The following SAMD14 variants were observed in gnomAD, a reference collection of about 807,000 sequenced individuals.
SAMD14 encodes sterile alpha motif domain containing 14.
Under a neutral mutation model 46.2 loss-of-function variants are expected in SAMD14, and 27 were observed. That is an observed-to-expected ratio of 0.58 (90% CI 0.43 to 0.81). The LOEUF (loss-of-function observed/expected upper bound fraction) is 0.81, where lower values mean the gene tolerates loss of function less well. SAMD14 is among the 30% of genes least tolerant of loss of function. The probability of loss-of-function intolerance (pLI) is 0.00; values close to 1 mark genes in which losing one functional copy is unlikely to be tolerated. For missense variants in SAMD14, 559 were observed against 582.2 expected (o/e 0.96, Z 0.41); for synonymous variants, 241 against 254.3 (o/e 0.95, Z 0.50).
chr17:50,130,076 G>A lies in SAMD14; in HGVS notation c.-572C>T, dbSNP rs1332426019. 6.6e-6 allele frequency among the ~76,000 whole-genome samples: 1 copy of A among 151,840 alleles called. No individual in the cohort carries two copies. ...AGAGCGGGAGGGAGCGAGGGGGCGG[G>A]GGCGGGGGAGGGCGGCGGGGAGGAG... On this transcript the variant is annotated 5_prime_UTR_variant, in exon 1 of 10. Coordinates refer to ENST00000330175, the MANE Select transcript of SAMD14 (RefSeq NM_001257359.2). This position sits in a 1 kb window ranked among gnomAD's most constrained non-coding sequence, Gnocchi z 4.1.
In SAMD14 at chr17:50,117,671, G is replaced by T. The variant is rs764080178; in HGVS notation, c.235C>A (p.Leu79Met). The change falls in exon 4 of 10, where the codon CTG (leucine) becomes ATG (methionine). Residue 79 changes from leucine to methionine, a missense_variant. Transcript: ENST00000330175. ...GKVTDGCGSP[L>M]HRLRSPLHSG... ...TGCAAAGGCGAGCGCAGCCGGTGCA[G>T]GGGGCTCCCGCAGCCATCGGTCACC... The T allele has an allele frequency of 1.7e-5, 26 of 1,496,824 alleles. No homozygotes were observed. In the Admixed American group the frequency reaches 3.8e-4, roughly 22 times the overall value. 92.7% of individuals were successfully genotyped at this position (1,496,824 alleles called of 1,614,324 possible). A position where few individuals can be genotyped will look rare whatever the true frequency, so the allele number is the denominator to read the frequency against.
intron 9 of SAMD14, 86 bp from the exon 10 acceptor site, chr17:50,113,134 G>T: frequency 2.0e-6 from 3 of 1,487,646 alleles, no homozygotes; most frequent in Non-Finnish European, 2.7e-6. Context: ...TGCCCCAGGT[G>T]TACTCTGTGG....
intron 1 of SAMD14, 191 bp from the exon 2 acceptor site, chr17:50,125,162 A>G: frequency 1.7e-6 from 1 of 579,348 alleles, no homozygotes; most frequent in Non-Finnish European, 3.1e-6. Flanking sequence ...GCGCCGGGGC[A>G]GGCAGTATAG....
At chr17:50,126,642 G>A (rs895099144) in intron 1 of SAMD14, among the ~76,000 whole-genome samples, 25 of 151,920 alleles carry the variant, frequency 1.6e-4, no homozygotes, top group African/African-American at 5.8e-4. Context: ...GATACATATC[G>A]CCACTTTACA....
intron 1 of SAMD14, among the ~76,000 whole-genome samples, chr17:50,128,910 T>A (rs1223113700): frequency 6.6e-6 from 1 of 151,776 alleles, no homozygotes; most frequent in East Asian, 1.9e-4. Context: ...GAGAAGCCCT[T>A]CGGGCAGGCG....
At position 50,114,287 on chromosome 17, in the gene SAMD14, T is replaced by C. The variant is rs1226379910; in HGVS notation, c.842A>G (p.Asp281Gly). 5.6e-6 allele frequency: 9 copies of C among 1,613,038 alleles called. No homozygotes were observed. The highest frequency in any genetic ancestry group is 7.6e-6 in the Non-Finnish European group (9 of 1,179,800). ...GGGGCTGCTGCTGGGGGGCGTGGAG[T>C]CATCACTCAGAGTGGATTCCTAGAC... The part of the protein sequence containing the change: ...SASQESTLSD[D>G]STPPSSSPKI... The change falls in exon 8 of 10, where the codon GAC becomes GGC. Residue 281 changes from aspartate (D) to glycine (G), a missense_variant. Coordinates refer to ENST00000330175, the MANE Select transcript of SAMD14 (RefSeq NM_001257359.2).
In SAMD14 at chr17:50,114,490, T is replaced by C. The variant is rs9890968; in HGVS notation, c.823-184A>G. The C allele has an allele frequency of 0.041, 63,955 of 1,554,172 alleles. 1,563 individuals are homozygous for C. Among genetic ancestry groups the C allele is most frequent in the African/African-American group, 0.087 (6,329 of 73,020 alleles). ...TGTCAGGCATCAGGACCTGAAGCCTTTGGGAGAGCAGGCAGCCATCTGGAG... is the reference window on the plus strand; with the variant it reads ...TGTCAGGCATCAGGACCTGAAGCCTCTGGGAGAGCAGGCAGCCATCTGGAG... On this transcript the variant is annotated intron_variant, in intron 7 of 9. Coordinates refer to ENST00000330175, the MANE Select transcript of SAMD14 (RefSeq NM_001257359.2).
chr17:50,128,506 ACACACACC>A (rs1206545112), intron 1 of SAMD14, among the ~76,000 whole-genome samples: 3 of 149,958 alleles, frequency 2.0e-5, no homozygotes, highest in African/African-American at 7.5e-5. Context: ...ACACACACAC[ACACACACC>A]CCCATTCAGC....
rs1159144031 is a variant in SAMD14 at position 50,115,836 on chromosome 17, C to T, written c.656G>A (p.Gly219Asp). Residue 219 changes from glycine to aspartate, a missense_variant, in exon 6 of 10, where the codon GGC becomes GAC. Transcript: ENST00000330175. This position sits in a 1 kb window ranked among gnomAD's most constrained non-coding sequence, Gnocchi z 5.3. ...CGCCATGGGCACCTCTCACCTGCTGCCCATGGACAGTCGGTTGCTGCCTTT... is the reference window on the plus strand; with the variant it reads ...CGCCATGGGCACCTCTCACCTGCTGTCCATGGACAGTCGGTTGCTGCCTTT... ...KEKGSNRLSMGSRESVEGSGR... is the reference protein window; with the variant it reads ...KEKGSNRLSMDSRESVEGSGR... The T allele has an allele frequency of 1.9e-6, 3 of 1,612,902 alleles. No individual in the cohort carries two copies. The highest frequency in any genetic ancestry group is 1.6e-4 in the Middle Eastern group (1 of 6,062).
intron 2 of SAMD14, chr17:50,124,199 G>T (rs778283985): frequency 9.6e-5 from 44 of 456,078 alleles, no homozygotes; most frequent in Admixed American, 1.6e-4. Context: ...CTGCCCAGCT[G>T]GGGTGGTTTC....
In SAMD14 at chr17:50,115,873, T is replaced by A; in HGVS notation, c.619A>T (p.Ser207Cys). ...VTLRRASTGK[S>C]RKEKGSNRLS... is the part of the protein sequence containing the mutation. ...CGGTTGCTGCCTTTCTCCTTCCGGC[T>A]CTTGCCCGTGGATGCTCGGCGCAGG... The change falls in exon 6 of 10, where the codon AGC becomes TGC. Residue 207 changes from serine to cysteine, a missense_variant. Ser to Cys is a moderately radical substitution (Grantham distance 112, BLOSUM62 -1). Transcript: ENST00000330175. The surrounding 1 kb of genome is among the most constrained non-coding windows in gnomAD (Gnocchi z 5.3). 6.2e-7 allele frequency: 1 copy of A among 1,613,406 alleles called. No homozygotes were observed. The highest frequency in any genetic ancestry group is 8.5e-7 in the Non-Finnish European group (1 of 1,179,858).
In SAMD14 at chr17:50,110,193, GGGTT is replaced by G; in HGVS notation, c.*2696_*2699del. ...CCATCCTCCTGGGGGAGCAGGGGGT[GGGTT>G]CTCCCTGATGACCAGGTTCTGTCTC... On this transcript the variant is annotated 3_prime_UTR_variant, in exon 10 of 10. Coordinates refer to ENST00000330175, the MANE Select transcript of SAMD14 (RefSeq NM_001257359.2). 1 of 1,341,288 alleles carries G rather than the reference GGGTT, an allele frequency of 7.5e-7. No individual in the cohort carries two copies. The highest frequency in any genetic ancestry group is 2.6e-5 in the East Asian group (1 of 39,024). 83.1% of individuals were successfully genotyped at this position (1,341,288 alleles called of 1,614,324 possible). A position where few individuals can be genotyped will look rare whatever the true frequency, so the allele number is the denominator to read the frequency against.
intron 9 of SAMD14, 152 bp downstream of exon 9, chr17:50,113,772 A>C (rs1911008157): frequency 1.3e-6 from 1 of 775,522 alleles, no homozygotes; most frequent in Non-Finnish European, 2.1e-6. Context: ...CCTTGCCTAG[A>C]GGTCAGAGGT....
At chr17:50,118,751 A>G (rs956495690) in intron 2 of SAMD14, among the ~76,000 whole-genome samples, 5 of 152,186 alleles carry the variant, frequency 3.3e-5, no homozygotes, top group African/African-American at 1.2e-4. Flanking sequence ...TTGTGGAGAG[A>G]AGGGTTGAGG....
At chr17:50,124,835 C>G (rs1911694224) in intron 2 of SAMD14, 82 bp downstream of exon 2, 1 of 1,377,046 alleles carries the variant, frequency 7.3e-7, no homozygotes, top group African/African-American at 1.4e-5. Flanking sequence ...AGCACCCTAT[C>G]CCCTTCAATG....
At position 50,117,475 on chromosome 17, in the gene SAMD14, G is replaced by A; in HGVS notation, c.431C>T (p.Ser144Phe). 2 of 1,405,098 alleles carry A rather than the reference G, an allele frequency of 1.4e-6. No homozygotes were observed. Among genetic ancestry groups the A allele is most frequent in the East Asian group, 5.9e-5 (2 of 33,764 alleles). The allele number at this position is 1,405,098 out of a possible 1,614,324, so 87.0% of individuals were successfully genotyped here. Residue 144 changes from serine (S) to phenylalanine (F), a missense_variant, in exon 4 of 10, where the codon TCC becomes TTC. Coordinates refer to ENST00000330175, the MANE Select transcript of SAMD14 (RefSeq NM_001257359.2). ...LAAASCSPPR[S>F]APSSDSSPSF... Reference sequence around the variant, plus strand: ...GGGGGAGCTGTCGGAGGAGGGCGCGGAGCGCGGCGGAGAGCAGGAGGCGGC... The same window carrying A: ...GGGGGAGCTGTCGGAGGAGGGCGCGAAGCGCGGCGGAGAGCAGGAGGCGGC...
Position 50,115,481 on chromosome 17 carries a change from C to T in SAMD14, c.822+83G>A. ...AAATTGATTCCAGGAATGTCTGAAT[C>T]CCAGCCTGAGCCAAGGTGAAGTACG... On this transcript the variant is annotated intron_variant, in intron 7 of 9. Transcript: ENST00000330175. The surrounding 1 kb of genome is among the most constrained non-coding windows in gnomAD (Gnocchi z 5.3). The T allele has an allele frequency of 7.0e-7, 1 of 1,429,782 alleles. No homozygotes were observed. 88.6% of individuals were successfully genotyped at this position (1,429,782 alleles called of 1,614,324 possible). A position where few individuals can be genotyped will look rare whatever the true frequency, so the allele number is the denominator to read the frequency against.
chr17:50,112,935 C>T lies in SAMD14; in HGVS notation c.1212G>A (p.Arg404=), dbSNP rs1910936024. Residue 404 remains arginine (R), a synonymous_variant, in exon 10 of 10, where the codon CGG becomes CGA. Transcript: ENST00000330175. ...RKAQEKAARQ[R]EKLRRREQEA... The stretch of plus-strand genomic sequence containing the variant: ...CCTGCTCTCGGCGCCGGAGCTTCTC[C>T]CGCTGCCGCGCAGCCTTCTCCTGGG... 1 of 1,608,954 alleles carries T rather than the reference C, an allele frequency of 6.2e-7. No homozygotes were observed. Among genetic ancestry groups the T allele is most frequent in the East Asian group, 2.2e-5 (1 of 44,876 alleles).
At chr17:50,114,701 C>T (rs890163217) in intron 7 of SAMD14, 8 of 376,280 alleles carry the variant, frequency 2.1e-5, no homozygotes, top group Non-Finnish European at 3.3e-5. Flanking sequence ...CCTCACTGGA[C>T]TGTGAGCTCT....
Sources: gnomAD v4.1 joint callset for allele counts (sites outside exome capture counted in the v4.1 genomes callset) on GRCh38, gnomAD v4.1.1 for gene constraint, Gnocchi (gnomAD v3.1) non-coding constraint, MANE v1.5 for transcripts, NCBI Gene and HGNC (gene_info 2026-07-23, HGNC 2026-07-21) for gene names.